CIMIP6: variants seen among roughly 807,000 people sequenced by gnomAD.
The protein encoded by CIMIP6 is ciliary microtubule inner protein 6.
chr2:54,354,974 CTTTGA>C, the CIMIP6 span, among the ~76,000 whole-genome samples: 3 of 152,022 alleles, frequency 2.0e-5, no homozygotes, highest in Admixed American at 6.6e-5. Context: ...CAGACATCCT[CTTTGA>C]TTTATTTCTA....
chr2:54,330,979 G>T, the CIMIP6 span: 1 of 1,613,540 alleles, frequency 6.2e-7, no homozygotes, highest in Non-Finnish European at 8.5e-7. Flanking sequence ...GAGGCCCATG[G>T]AGGAAAAGGA....
the CIMIP6 span, among the ~76,000 whole-genome samples, chr2:54,371,104 G>A: frequency 6.6e-6 from 1 of 152,228 alleles, no homozygotes; most frequent in Non-Finnish European, 1.5e-5. Flanking sequence ...GGCAGTTGCA[G>A]GGCCCGATGG....
At chr2:54,380,081 T>C in the CIMIP6 span, among the ~76,000 whole-genome samples, 1 of 151,894 alleles carries the variant, frequency 6.6e-6, no homozygotes, top group African/African-American at 2.4e-5. Flanking sequence ...AGGTTGAGGC[T>C]GCAGTGGAGC....
chr2:54,352,653 T>C, the CIMIP6 span, among the ~76,000 whole-genome samples: 1 of 152,170 alleles, frequency 6.6e-6, no homozygotes, highest in African/African-American at 2.4e-5. Flanking sequence ...AACCAGGGGA[T>C]TGGTTTCAGG....
the CIMIP6 span, chr2:54,334,734 ATATTTAAATCTTATTT>A: frequency 1.1e-6 from 1 of 951,902 alleles, no homozygotes; most frequent in Non-Finnish European, 1.6e-6. Context: ...TGTTTGTAGT[ATATTTAAATCTTATTT>A]TACATAATTT....
the CIMIP6 span, among the ~76,000 whole-genome samples, chr2:54,373,815 C>T: frequency 6.6e-6 from 1 of 152,212 alleles, no homozygotes; most frequent in Non-Finnish European, 1.5e-5. Flanking sequence ...TTGCCTGCTT[C>T]TGTGCTGCTT....
chr2:54,361,126 A>T, the CIMIP6 span: 1 of 152,174 alleles, frequency 6.6e-6, no homozygotes, highest in Non-Finnish European at 1.5e-5. Flanking sequence ...TATATATTTA[A>T]TTTTTCCTCA....
chr2:54,379,413 G>A, the CIMIP6 span, among the ~76,000 whole-genome samples: 1 of 152,208 alleles, frequency 6.6e-6, no homozygotes, highest in South Asian at 2.1e-4. Flanking sequence ...CAGATCACCT[G>A]TGGCCCTAGT....
chr2:54,363,461 T>G, the CIMIP6 span, among the ~76,000 whole-genome samples: 5 of 152,244 alleles, frequency 3.3e-5, no homozygotes, highest in Non-Finnish European at 4.4e-5. Context: ...CCACATGCAG[T>G]TCCCTAACTT....
the CIMIP6 span, among the ~76,000 whole-genome samples, chr2:54,345,735 C>CA: frequency 1.3e-5 from 2 of 152,272 alleles, no homozygotes; most frequent in South Asian, 4.1e-4. Context: ...AAAATAATAA[C>CA]AAAGTTTCCC....
At chr2:54,348,980 T>G in the CIMIP6 span, among the ~76,000 whole-genome samples, 5 of 152,192 alleles carry the variant, frequency 3.3e-5, no homozygotes, top group Non-Finnish European at 7.3e-5. Context: ...TAAGAATAAG[T>G]GTTCACATTT....
chr2:54,339,958 A>G, the CIMIP6 span: 1 of 277,510 alleles, frequency 3.6e-6, no homozygotes, highest in South Asian at 8.8e-5. Flanking sequence ...GAGCTTAGGG[A>G]TACTAGGAGT....
the CIMIP6 span, chr2:54,360,236 C>A: frequency 6.2e-7 from 1 of 1,604,276 alleles, no homozygotes. Flanking sequence ...AGAGATAAAA[C>A]CAGGCAGTAG....
chr2:54,342,222 G>C, the CIMIP6 span, among the ~76,000 whole-genome samples: 12 of 152,128 alleles, frequency 7.9e-5, no homozygotes, highest in Non-Finnish European at 1.8e-4. Context: ...TCTTTGGTAT[G>C]TGTTCATCCC....
chr2:54,344,931 A>G, the CIMIP6 span, among the ~76,000 whole-genome samples: 1 of 152,218 alleles, frequency 6.6e-6, no homozygotes, highest in African/African-American at 2.4e-5. Flanking sequence ...GTAGATAATT[A>G]GCAAAACATA....
the CIMIP6 span, among the ~76,000 whole-genome samples, chr2:54,366,541 T>C: frequency 6.6e-6 from 1 of 152,170 alleles, no homozygotes; most frequent in African/African-American, 2.4e-5. Flanking sequence ...GAAAAATCAA[T>C]TTTGAACTAG....
At chr2:54,334,632 G>T in the CIMIP6 span, among the ~76,000 whole-genome samples, 1 of 152,022 alleles carries the variant, frequency 6.6e-6, no homozygotes, top group African/African-American at 2.4e-5. Flanking sequence ...GCCCTTTATC[G>T]CTTATATGAT....
chr2:54,383,563 T>C, the CIMIP6 span: 1 of 152,190 alleles, frequency 6.6e-6, no homozygotes, highest in Non-Finnish European at 1.5e-5. Flanking sequence ...ACCACAAATT[T>C]GGGACTTGTT....
chr2:54,370,030 G>C, the CIMIP6 span, among the ~76,000 whole-genome samples: 1 of 152,160 alleles, frequency 6.6e-6, no homozygotes, highest in Non-Finnish European at 1.5e-5. Flanking sequence ...GGGCGAGACA[G>C]GTGGATCACC....
Sources: allele counts gnomAD v4.1 joint callset (sites outside exome capture counted in the v4.1 genomes callset), GRCh38; gene constraint gnomAD v4.1.1; transcripts MANE v1.5; gene names NCBI Gene and HGNC (gene_info 2026-07-23, HGNC 2026-07-21).